Variants in GABRB2 observed in about 807,000 individuals in gnomAD.
GABRB2 encodes gamma-aminobutyric acid receptor subunit beta-2.
A neutral mutation model predicts 54.7 loss-of-function variants in GABRB2; 16 were observed. That is an observed-to-expected ratio of 0.29 (90% confidence interval 0.20 to 0.44). The LOEUF (loss-of-function observed/expected upper bound fraction) is 0.44. GABRB2 is among the 20% of genes least tolerant of loss of function. GABRB2 has a pLI of 1.00. For synonymous variants in GABRB2, 244 were observed against 233.8 expected, an observed-to-expected ratio of 1.04 and a Z score of -0.40; for missense variants, 355 against 644.0, an observed-to-expected ratio of 0.55 and a Z score of 4.86.
chr5:161,398,503 T>C (rs1756074496), intron 5 of GABRB2, among the ~76,000 whole-genome samples: 1 of 152,140 alleles, frequency 6.6e-6, no homozygotes, highest in African/African-American at 2.4e-5. Context: ...AGGGCAGAAA[T>C]GGTCCTGTGA....
intron 4 of GABRB2, among the ~76,000 whole-genome samples, chr5:161,415,049 C>T (rs1417717183): frequency 1.3e-5 from 2 of 152,144 alleles, no homozygotes; most frequent in Non-Finnish European, 2.9e-5. Flanking sequence ...TTTTCATGAA[C>T]ATGTCTTTCT....
intron 9 of GABRB2, among the ~76,000 whole-genome samples, chr5:161,304,966 G>A (rs966150579): frequency 6.7e-6 from 1 of 149,728 alleles, no homozygotes; most frequent in Non-Finnish European, 1.5e-5. Flanking sequence ...CCTGAAGAAG[G>A]AAAAGGGGAA....
intron 3 of GABRB2, among the ~76,000 whole-genome samples, chr5:161,516,897 A>C (rs1397220789): frequency 6.6e-6 from 1 of 152,144 alleles, no homozygotes; most frequent in African/African-American, 2.4e-5. Flanking sequence ...ACCCATGTCT[A>C]TTAGTTCCCA....
At chr5:161,387,927 A>G (rs1260946631) in intron 5 of GABRB2, among the ~76,000 whole-genome samples, 1 of 152,186 alleles carries the variant, frequency 6.6e-6, no homozygotes, top group Non-Finnish European at 1.5e-5. Context: ...TTTAATTTCA[A>G]AACTAAACCT....
At chr5:161,521,447 C>T (rs965393172) in intron 3 of GABRB2, among the ~76,000 whole-genome samples, 12 of 148,532 alleles carry the variant, frequency 8.1e-5, no homozygotes, top group South Asian at 4.2e-4. Context: ...AGTTTATTTT[C>T]GAAAAAAAAG....
chr5:161,394,916 G>A (rs981252200), intron 5 of GABRB2, among the ~76,000 whole-genome samples: 2 of 151,992 alleles, frequency 1.3e-5, no homozygotes, highest in Non-Finnish European at 2.9e-5. Flanking sequence ...ATAAATAGGA[G>A]TTACAATCCA....
At chr5:161,501,980 C>A (rs1405431851) in intron 3 of GABRB2, among the ~76,000 whole-genome samples, 1 of 147,626 alleles carries the variant, frequency 6.8e-6, no homozygotes, top group Non-Finnish European at 1.5e-5. Context: ...TTACTTTACA[C>A]ATTTTAAATT....
chr5:161,313,790 G>C (rs548031614), intron 9 of GABRB2, among the ~76,000 whole-genome samples: 1 of 152,188 alleles, frequency 6.6e-6, no homozygotes, highest in Non-Finnish European at 1.5e-5. Context: ...TGCTCTGAGC[G>C]CTTTCCTATC....
chr5:161,423,688 G>A (rs1756917647), intron 4 of GABRB2, among the ~76,000 whole-genome samples: 1 of 151,880 alleles, frequency 6.6e-6, no homozygotes, highest in Admixed American at 6.6e-5. Flanking sequence ...ATTGAAATTA[G>A]GTCAATTAAT....
intron 4 of GABRB2, among the ~76,000 whole-genome samples, chr5:161,441,502 A>G (rs1753008684): frequency 6.6e-6 from 1 of 152,186 alleles, no homozygotes; most frequent in African/African-American, 2.4e-5. Context: ...ATACACTGCT[A>G]GTGGGAATGT....
intron 5 of GABRB2, among the ~76,000 whole-genome samples, chr5:161,398,129 C>G (rs1425015919): frequency 6.6e-6 from 1 of 152,060 alleles, no homozygotes; most frequent in Admixed American, 6.6e-5. Context: ...GTTTAAGTAG[C>G]CAGAAATCAC....
rs781387775 is a variant in GABRB2 at position 161,291,020 on chromosome 5, CCT to C, written c.*3059_*3060del. On this transcript the variant is annotated 3_prime_UTR_variant, in exon 10 of 10. Coordinates refer to ENST00000393959, the MANE Select transcript of GABRB2 (RefSeq NM_001371727.1). ...AGATGGCACTGCTTGAATCTTTTCC[CCT>C]GTTAATAAATTGTAGTAGAAAGAAT... 5.2e-5 allele frequency: 8 copies of C among 152,400 alleles called. No homozygotes were observed. Among genetic ancestry groups the C allele is most frequent in the South Asian group, 2.1e-4 (1 of 4,818 alleles). The allele number at this position is 152,400 out of a possible 1,614,324, so 9.4% of individuals were successfully genotyped here.
At position 161,325,047 on chromosome 5, in the gene GABRB2, T is replaced by C. The variant is rs562084787; in HGVS notation, c.1191+1321A>G. Among the ~76,000 whole-genome samples the C allele has an allele frequency of 8.5e-5, 13 of 152,234 alleles. No homozygotes were observed. In the East Asian group the frequency reaches 2.3e-3, roughly 27 times the overall value. ...TTTTCATGTGGTTTTACCCAGTCTT[T>C]ACAATAATCATGTAGTGTGTTTGAT... On this transcript the variant is annotated intron_variant, in intron 9 of 9. Transcript: ENST00000393959.
intron 3 of GABRB2, 100 bp downstream of exon 3, chr5:161,545,127 C>T (rs1234425610): frequency 7.6e-6 from 6 of 791,126 alleles, no homozygotes; most frequent in Non-Finnish European, 1.2e-5. Context: ...ACCTCATACA[C>T]ATAGCCAAGC....
chr5:161,517,748 A>G (rs1759990616), intron 3 of GABRB2, among the ~76,000 whole-genome samples: 1 of 152,134 alleles, frequency 6.6e-6, no homozygotes, highest in Non-Finnish European at 1.5e-5. Flanking sequence ...TAATCAACAC[A>G]TCTTATCTAA....
chr5:161,500,690 A>G lies in GABRB2; in HGVS notation c.238-40846T>C, dbSNP rs1759404940. On this transcript the variant is annotated intron_variant, in intron 3 of 9. Transcript: ENST00000393959. ...CTTTGTGAAAGTAAAAATCCATTTC[A>G]TTGCAGGGAGATTATTGATAAGTGA... 2.0e-5 allele frequency among the ~76,000 whole-genome samples: 3 copies of G among 152,290 alleles called. No individual in the cohort carries two copies. The South Asian group carries it at 6.2e-4, about 32-fold the overall frequency.
At chr5:161,331,653 G>A (rs552168493) in intron 7 of GABRB2, among the ~76,000 whole-genome samples, 3 of 152,174 alleles carry the variant, frequency 2.0e-5, no homozygotes, top group South Asian at 2.1e-4. Context: ...CCATGATCTC[G>A]GAAAAATCAT....
rs573491234 is a variant in GABRB2 at position 161,398,818 on chromosome 5, T to C, written c.541+12157A>G. Among the ~76,000 whole-genome samples, 5 of 152,274 alleles carry C rather than the reference T, an allele frequency of 3.3e-5. No homozygotes were observed. In the South Asian group the frequency reaches 1.0e-3, roughly 32 times the overall value. On this transcript the variant is annotated intron_variant, in intron 5 of 9. Coordinates refer to ENST00000393959, the MANE Select transcript of GABRB2 (RefSeq NM_001371727.1). ...GATTCTCCTGCCTCAGCCTCCTGAG[T>C]TGCTGGGACTACAGGCGCGTGCCAC...
chr5:161,398,036 TAGAC>T (rs1561636289), intron 5 of GABRB2, among the ~76,000 whole-genome samples: 4 of 132,564 alleles, frequency 3.0e-5, no homozygotes, highest in East Asian at 2.3e-4. Flanking sequence ...GATAGATAGA[TAGAC>T]AGATAGATAG....
Sources: gnomAD v4.1 joint callset for allele counts (sites outside exome capture counted in the v4.1 genomes callset) on GRCh38, gnomAD v4.1.1 for gene constraint, MANE v1.5 for transcripts, NCBI Gene and HGNC (gene_info 2026-07-23, HGNC 2026-07-21) for gene names.